Variants in CTNNA3 observed in about 807,000 individuals in gnomAD.
The protein encoded by CTNNA3 is catenin alpha 3.
Under a neutral mutation model 95.7 loss-of-function variants are expected in CTNNA3, and 76 were observed. The ratio of observed to expected loss-of-function variants is 0.79; its 90% CI spans 0.66 to 0.96. The LOEUF (loss-of-function observed/expected upper bound fraction) is 0.96, where lower values mean the gene tolerates loss of function less well. CTNNA3 is among the 40% of genes least tolerant of loss of function. The probability of loss-of-function intolerance (pLI) is 0.00; values close to 1 mark genes in which losing one functional copy is unlikely to be tolerated. For synonymous variants in CTNNA3, 431 were observed against 374.4 expected, an observed-to-expected ratio of 1.15 and a Z score of -1.74; for missense variants, 1,191 against 1,089.8, an observed-to-expected ratio of 1.09 and a Z score of -1.31.
At chr10:66,915,192 G>GA (rs1158486629) in intron 7 of CTNNA3, among the ~76,000 whole-genome samples, 5,825 of 90,134 alleles carry the variant, frequency 0.065, 384 homozygotes, top group African/African-American at 0.2. Flanking sequence ...AAAAACTAAC[G>GA]AAAAAAAAAA....
intron 7 of CTNNA3, among the ~76,000 whole-genome samples, chr10:66,955,227 A>G (rs1468040262): frequency 2.0e-5 from 3 of 151,842 alleles, no homozygotes; most frequent in African/African-American, 4.9e-5. Flanking sequence ...TAAGACAGGA[A>G]AATGGATGTT....
At chr10:67,366,569 A>T (rs757742242) in intron 5 of CTNNA3, among the ~76,000 whole-genome samples, 7 of 151,904 alleles carry the variant, frequency 4.6e-5, no homozygotes, top group Non-Finnish European at 7.4e-5. Flanking sequence ...TGAACCTGGG[A>T]GGCGGAGGTT....
At chr10:65,966,149 T>C (rs2077960219) in intron 17 of CTNNA3, among the ~76,000 whole-genome samples, 1 of 152,164 alleles carries the variant, frequency 6.6e-6, no homozygotes, top group Non-Finnish European at 1.5e-5. Flanking sequence ...TCTGAAAATA[T>C]ATATGGAAAT....
chr10:66,765,308 T>C (rs1839799718), intron 9 of CTNNA3, among the ~76,000 whole-genome samples: 1 of 152,212 alleles, frequency 6.6e-6, no homozygotes, highest in African/African-American at 2.4e-5. Context: ...AGACAGACTA[T>C]TTACAAGCAT....
At chr10:66,435,503 T>A (rs1341147586) in intron 11 of CTNNA3, among the ~76,000 whole-genome samples, 1 of 152,196 alleles carries the variant, frequency 6.6e-6, no homozygotes, top group Non-Finnish European at 1.5e-5. Flanking sequence ...TAGTTTGTAT[T>A]TCTGTGGGAT....
At chr10:66,769,316 G>A (rs1366996647) in intron 8 of CTNNA3, among the ~76,000 whole-genome samples, 1 of 152,188 alleles carries the variant, frequency 6.6e-6, no homozygotes, top group East Asian at 1.9e-4. Flanking sequence ...CTAGCACATG[G>A]TCAGAGGCAG....
At chr10:66,597,079 G>A (rs1299748197) in intron 10 of CTNNA3, among the ~76,000 whole-genome samples, 1 of 151,764 alleles carries the variant, frequency 6.6e-6, no homozygotes, top group African/African-American at 2.4e-5. Context: ...GCAGACTCAA[G>A]CAGAAAAAAG....
chr10:66,786,104 C>T (rs1055407690), intron 7 of CTNNA3, among the ~76,000 whole-genome samples: 1 of 152,136 alleles, frequency 6.6e-6, no homozygotes, highest in South Asian at 2.1e-4. Flanking sequence ...ATGACCCACT[C>T]CCTCCCCTTG....
At chr10:67,519,408 G>A (rs956807922) in intron 5 of CTNNA3, among the ~76,000 whole-genome samples, 2 of 152,112 alleles carry the variant, frequency 1.3e-5, no homozygotes, top group African/African-American at 4.8e-5. Flanking sequence ...TATGTTAGGA[G>A]AAAACCTCAA....
At chr10:66,466,658 A>C (rs1013840726) in intron 11 of CTNNA3, among the ~76,000 whole-genome samples, 2 of 152,034 alleles carry the variant, frequency 1.3e-5, no homozygotes, top group Non-Finnish European at 2.9e-5. Context: ...CATTTCACTG[A>C]GGTCTCTGTT....
At position 66,074,584 on chromosome 10, in the gene CTNNA3, A is replaced by G. The variant is rs187911633; in HGVS notation, c.1978-5095T>C. Among the ~76,000 whole-genome samples the G allele has an allele frequency of 2.6e-3, 389 of 151,896 alleles. 6 individuals carry two copies. Among genetic ancestry groups the G allele is most frequent in the African/African-American group, 9.0e-3 (375 of 41,510 alleles). On this transcript the variant is annotated intron_variant, in intron 14 of 17. Transcript: ENST00000433211. ...AATTTGTTGGTCCAAATTTAATCAT[A>G]TTTCCAGGCCAGACTCATATAGTAT...
intron 13 of CTNNA3, among the ~76,000 whole-genome samples, chr10:66,256,115 G>T (rs1392986841): frequency 5.3e-5 from 8 of 152,126 alleles, no homozygotes; most frequent in Non-Finnish European, 1.0e-4. Flanking sequence ...ATAATAACTT[G>T]TTTGTTGGAA....
At chr10:67,442,097 T>C (rs1437503058) in intron 5 of CTNNA3, among the ~76,000 whole-genome samples, 1 of 152,174 alleles carries the variant, frequency 6.6e-6, no homozygotes, top group African/African-American at 2.4e-5. Context: ...TGTAGAGTTT[T>C]TATTAGTTTT....
At chr10:67,390,563 G>A (rs1298692450) in intron 5 of CTNNA3, among the ~76,000 whole-genome samples, 1 of 151,328 alleles carries the variant, frequency 6.6e-6, no homozygotes, top group Non-Finnish European at 1.5e-5. Context: ...TATGAGGCCA[G>A]CATCATTCTG....
At position 67,463,274 on chromosome 10, in the gene CTNNA3, A is replaced by G. The variant is rs530671226; in HGVS notation, c.579+58568T>C. Among the ~76,000 whole-genome samples the G allele has an allele frequency of 1.6e-4, 25 of 152,318 alleles. No homozygotes were observed. The South Asian group carries it at 5.0e-3, about 30-fold the overall frequency. ...GGCATCCAATATATTGTAAGTGCTC[A>G]GTAAATCTGAGTAGTTTGTTTTTAT... On this transcript the variant is annotated intron_variant, in intron 5 of 17. Coordinates refer to ENST00000433211, the MANE Select transcript of CTNNA3 (RefSeq NM_013266.4).
chr10:67,122,847 T>C (rs7073720), intron 7 of CTNNA3, among the ~76,000 whole-genome samples: 2 of 152,132 alleles, frequency 1.3e-5, no homozygotes, highest in South Asian at 4.2e-4. Flanking sequence ...ACAGGATATC[T>C]TACCATCAAT....
intron 5 of CTNNA3, among the ~76,000 whole-genome samples, chr10:67,366,297 T>G (rs1843215951): frequency 6.6e-6 from 1 of 152,262 alleles, no homozygotes; most frequent in South Asian, 2.1e-4. Context: ...ACATGGCACA[T>G]GTATACCTAT....
chr10:66,654,619 T>C (rs891846194), intron 9 of CTNNA3, among the ~76,000 whole-genome samples: 2 of 152,034 alleles, frequency 1.3e-5, no homozygotes, highest in African/African-American at 4.8e-5. Context: ...GTCCAAATGG[T>C]ATGAAATTAG....
In CTNNA3 at chr10:66,069,404, T is replaced by A; in HGVS notation, c.2063A>T (p.Asp688Val). ...ATCATCCCATATCTCAATCTCAGCA[T>A]CCAGCTTACTCTTTACTTTCTTGAA... Reference protein sequence around the residue: ...ADFKKVKSKLDAEIEIWDDTS... With the variant: ...ADFKKVKSKLVAEIEIWDDTS... The change falls in exon 15 of 18, where the codon GAT (aspartate) becomes GTT (valine). Residue 688 changes from aspartate (D) to valine (V), a missense_variant. Asp to Val is a radical substitution (Grantham distance 152). Coordinates refer to ENST00000433211, the MANE Select transcript of CTNNA3 (RefSeq NM_013266.4). The A allele has an allele frequency of 6.2e-7, 1 of 1,613,692 alleles. No homozygotes were observed. Among genetic ancestry groups the A allele is most frequent in the Non-Finnish European group, 8.5e-7 (1 of 1,179,726 alleles).
Sources: allele counts gnomAD v4.1 joint callset (sites outside exome capture counted in the v4.1 genomes callset), GRCh38; gene constraint gnomAD v4.1.1; transcripts MANE v1.5; gene names NCBI Gene and HGNC (gene_info 2026-07-23, HGNC 2026-07-21).